SPATA17: variants seen among roughly 807,000 people sequenced by gnomAD.
The protein encoded by SPATA17 is spermatogenesis-associated protein 17.
SPATA17 carries 53 observed loss-of-function variants against 62.2 expected under a neutral mutation model. The observed-to-expected ratio is 0.85, with a 90% CI of 0.68 to 1.07. The LOEUF (loss-of-function observed/expected upper bound fraction) is 1.07. Ranked by LOEUF, SPATA17 falls within the 50% of genes least tolerant of loss-of-function variation. The pLI is 0.00. For synonymous variants in SPATA17, 146 were observed against 146.8 expected (o/e 0.99, Z 0.04); for missense variants, 466 against 425.5 (o/e 1.10, Z -0.84).
intron 4 of SPATA17, among the ~76,000 whole-genome samples, chr1:217,674,744 G>C (rs115194753): frequency 0.05 from 7,686 of 152,262 alleles, 261 homozygotes; most frequent in Middle Eastern, 0.12. Context: ...TCGGTCCCTT[G>C]CCCTGCTCTG....
chr1:217,861,634 T>C (rs909694487), intron 9 of SPATA17, among the ~76,000 whole-genome samples: 47 of 152,270 alleles, frequency 3.1e-4, no homozygotes, highest in African/African-American at 1.1e-3. Flanking sequence ...AAGGCAAGAA[T>C]ATAGATGCTC....
chr1:217,839,437 T>C lies in SPATA17; in HGVS notation c.1006-23337T>C, dbSNP rs554114003. Among the ~76,000 whole-genome samples the C allele has an allele frequency of 2.8e-4, 43 of 152,214 alleles. No individual in the cohort carries two copies. The South Asian group carries it at 8.7e-3, about 31-fold the overall frequency. ...TTGGATTAGAGTTTCATCAATCACT[T>C]TTTTAAACTGATCCAGAATTGCTTC... is the stretch of plus-strand genomic sequence containing the variant. On this transcript the variant is annotated intron_variant, in intron 9 of 10. Transcript: ENST00000366933.
chr1:217,837,017 G>A (rs191196808), intron 9 of SPATA17, among the ~76,000 whole-genome samples: 46 of 152,194 alleles, frequency 3.0e-4, no homozygotes, highest in African/African-American at 1.1e-3. Context: ...ATGTAGAATT[G>A]TGGGAGTAAA....
At chr1:217,849,677 C>T (rs1434273799) in intron 9 of SPATA17, among the ~76,000 whole-genome samples, 2 of 152,028 alleles carry the variant, frequency 1.3e-5, no homozygotes, top group Non-Finnish European at 2.9e-5. Flanking sequence ...ATACTTTGTG[C>T]CTGGTGCCTG....
At chr1:217,708,127 C>G (rs1671778149) in intron 5 of SPATA17, among the ~76,000 whole-genome samples, 1 of 152,072 alleles carries the variant, frequency 6.6e-6, no homozygotes, top group South Asian at 2.1e-4. Context: ...TTAATAACCT[C>G]AGATTGCACC....
intron 9 of SPATA17, among the ~76,000 whole-genome samples, chr1:217,860,070 C>T (rs1265003321): frequency 6.6e-6 from 1 of 152,064 alleles, no homozygotes; most frequent in Non-Finnish European, 1.5e-5. Context: ...ACTGCTTTTG[C>T]TGCATCTCAC....
At chr1:217,632,807 A>G (rs933231632) in intron 1 of SPATA17, among the ~76,000 whole-genome samples, 3 of 152,228 alleles carry the variant, frequency 2.0e-5, no homozygotes, top group Non-Finnish European at 4.4e-5. Context: ...TATTTAGAGT[A>G]TGTGGCAGGT....
intron 1 of SPATA17, among the ~76,000 whole-genome samples, chr1:217,643,131 T>A (rs905720899): frequency 2.0e-5 from 3 of 152,210 alleles, no homozygotes; most frequent in African/African-American, 7.2e-5. Context: ...GAGTTCACAT[T>A]GACTACTCTA....
chr1:217,808,471 G>T (rs576760126), intron 9 of SPATA17, among the ~76,000 whole-genome samples: 178 of 152,142 alleles, frequency 1.2e-3, no homozygotes, highest in Non-Finnish European at 1.8e-3. Context: ...CATACTACCA[G>T]ATCTAATGAT....
intron 9 of SPATA17, among the ~76,000 whole-genome samples, chr1:217,854,515 C>T (rs1675733450): frequency 6.6e-6 from 1 of 152,072 alleles, no homozygotes; most frequent in Non-Finnish European, 1.5e-5. Flanking sequence ...ATGTTTCAGG[C>T]CCTGTGATGG....
intron 5 of SPATA17, among the ~76,000 whole-genome samples, chr1:217,693,317 T>G (rs1363301747): frequency 1.0e-5 from 1 of 97,794 alleles, no homozygotes; most frequent in Non-Finnish European, 2.0e-5. Context: ...AGTTTGTATT[T>G]CTGTGGGATC....
chr1:217,644,899 C>CTA (rs1670145721), intron 1 of SPATA17, among the ~76,000 whole-genome samples: 1 of 151,836 alleles, frequency 6.6e-6, no homozygotes, highest in Non-Finnish European at 1.5e-5. Context: ...TTATTCACTG[C>CTA]TATAGGATTT....
rs187491773 is a variant in SPATA17 at position 217,736,281 on chromosome 1, C to T, written c.396-5694C>T. Among the ~76,000 whole-genome samples the T allele has an allele frequency of 1.2e-3, 184 of 152,230 alleles. 1 individual carries two copies. Among genetic ancestry groups the T allele is most frequent in the Non-Finnish European group, 2.2e-3 (151 of 68,014 alleles). ...TCTTATCATCATTCATAGACATAAA[C>T]CTACACACTTATATGGAGACAGTAG... On this transcript the variant is annotated intron_variant, in intron 5 of 10. Coordinates refer to ENST00000366933, the MANE Select transcript of SPATA17 (RefSeq NM_138796.4).
chr1:217,766,241 T>C (rs1673296864), intron 6 of SPATA17, among the ~76,000 whole-genome samples: 1 of 152,050 alleles, frequency 6.6e-6, no homozygotes, highest in East Asian at 1.9e-4. Flanking sequence ...TGCCCCTTGT[T>C]CTTTGCTTCT....
intron 9 of SPATA17, among the ~76,000 whole-genome samples, chr1:217,804,107 G>C (rs1211057494): frequency 6.6e-6 from 1 of 151,824 alleles, no homozygotes; most frequent in African/African-American, 2.4e-5. Flanking sequence ...GCAATCTTGA[G>C]CAAAAAGACT....
intron 6 of SPATA17, among the ~76,000 whole-genome samples, chr1:217,758,914 G>A (rs921075811): frequency 6.6e-6 from 1 of 152,152 alleles, no homozygotes; most frequent in Non-Finnish European, 1.5e-5. Flanking sequence ...GGATGATGGG[G>A]ATGTATGAGG....
chr1:217,775,115 C>T (rs1422721313), intron 7 of SPATA17, among the ~76,000 whole-genome samples: 1 of 152,202 alleles, frequency 6.6e-6, no homozygotes, highest in Non-Finnish European at 1.5e-5. Flanking sequence ...TTCCCATCAA[C>T]AGGGCACAAG....
chr1:217,848,130 G>A (rs1675568885), intron 9 of SPATA17, among the ~76,000 whole-genome samples: 1 of 152,110 alleles, frequency 6.6e-6, no homozygotes, highest in African/African-American at 2.4e-5. Flanking sequence ...TAAATATTTG[G>A]TGCACTTCTT....
intron 9 of SPATA17, among the ~76,000 whole-genome samples, chr1:217,831,317 T>G (rs1360512952): frequency 2.6e-5 from 4 of 152,108 alleles, no homozygotes; most frequent in Admixed American, 6.6e-5. Flanking sequence ...GTTGCCATAT[T>G]ACTCTTTCAG....
Sources: allele counts gnomAD v4.1 joint callset (sites outside exome capture counted in the v4.1 genomes callset), GRCh38; gene constraint gnomAD v4.1.1; transcripts MANE v1.5; gene names NCBI Gene and HGNC (gene_info 2026-07-23, HGNC 2026-07-21).